The following GRIP1 variants were observed in gnomAD, a reference collection of about 807,000 sequenced individuals.
The protein encoded by GRIP1 is glutamate receptor interacting protein 1, also known as glutamate receptor-interacting protein 1.
GRIP1 carries 45 observed loss-of-function variants against 129.9 expected under a neutral mutation model. That is an observed-to-expected ratio of 0.35 (90% CI 0.27 to 0.44). The LOEUF (loss-of-function observed/expected upper bound fraction) is 0.44, where lower values mean the gene tolerates loss of function less well. GRIP1 is among the 20% of genes least tolerant of loss of function. The pLI is 1.00. For missense variants in GRIP1, 1,196 were observed against 1,396.8 expected (o/e 0.86, Z 2.29); for synonymous variants, 530 against 520.8 (o/e 1.02, Z -0.24).
chr12:66,574,153 C>T (rs1401388905), intron 2 of GRIP1, among the ~76,000 whole-genome samples: 2 of 152,196 alleles, frequency 1.3e-5, no homozygotes, highest in Non-Finnish European at 2.9e-5. Context: ...AGAGATGCCT[C>T]GTCTTCTTCC....
At chr12:66,513,882 A>T (rs1168192133) in intron 7 of GRIP1, among the ~76,000 whole-genome samples, 1 of 152,130 alleles carries the variant, frequency 6.6e-6, no homozygotes, top group Non-Finnish European at 1.5e-5. Flanking sequence ...TCTTCCCTAA[A>T]ATGGTATCTA....
chr12:66,844,131 G>A (rs1045001875), intron 1 of GRIP1, among the ~76,000 whole-genome samples: 5 of 151,888 alleles, frequency 3.3e-5, no homozygotes, highest in South Asian at 2.1e-4. Flanking sequence ...TTTTAAATGG[G>A]TGAAAGACTT....
chr12:66,417,068 A>G (rs1025087455), intron 15 of GRIP1, among the ~76,000 whole-genome samples: 1 of 152,122 alleles, frequency 6.6e-6, no homozygotes, highest in African/African-American at 2.4e-5. Context: ...GAAGTCAAAA[A>G]TATATTAAAA....
rs1565833801 is a variant in GRIP1, at chr12:66,531,255, ATATATATATATATATATATATAT to A, written c.419-1364_419-1342del. Among the ~76,000 whole-genome samples, 91 of 4,818 alleles carry A rather than the reference ATATATATATATATATATATATAT, an allele frequency of 0.019. 5 individuals carry two copies. The East Asian group carries it at 0.26, about 14-fold the overall frequency. The allele number at this position is 4,818 out of a possible 152,430, so 3.2% of individuals were successfully genotyped here. On this transcript the variant is annotated intron_variant, in intron 4 of 24. Coordinates refer to ENST00000359742, the MANE Select transcript of GRIP1 (RefSeq NM_001366722.1). ...TGTCTCAAAAAAAAAAAAAAAAAAT[ATATATATATATATATATATATAT>A]ATATATATATATATATATATATATA...
intron 1 of GRIP1, among the ~76,000 whole-genome samples, chr12:66,919,934 T>C (rs745720425): frequency 3.9e-5 from 6 of 152,160 alleles, no homozygotes; most frequent in African/African-American, 7.2e-5. Context: ...ACATTGAATA[T>C]ATTATATAAT....
At chr12:66,653,072 C>CATGGTT (rs1321531013) in intron 1 of GRIP1, among the ~76,000 whole-genome samples, 1 of 152,188 alleles carries the variant, frequency 6.6e-6, no homozygotes, top group Non-Finnish European at 1.5e-5. Flanking sequence ...TCAGAAAAGT[C>CATGGTT]ATGGTTGTTC....
rs199519734 is a variant in GRIP1 at position 66,406,422 on chromosome 12, C to T, written c.1845G>A (p.Gly615=). The T allele has an allele frequency of 2.4e-5, 39 of 1,613,980 alleles. No individual in the cohort carries two copies. The highest frequency in any genetic ancestry group is 3.3e-5 in the Non-Finnish European group (39 of 1,179,894). Residue 615 remains glycine, a synonymous_variant, in exon 16 of 25, where the codon GGG becomes GGA. Coordinates refer to ENST00000359742, the MANE Select transcript of GRIP1 (RefSeq NM_001366722.1). The part of the protein sequence containing the change: ...IKKGSVAHRT[G]TLELGDKLLA... The stretch of plus-strand genomic sequence containing the variant: ...GCAATTTATCCCCAAGTTCCAGGGT[C>T]CCAGTTCTGTTAGTGAATGCAAAGT...
chr12:67,021,822 A>G (rs1468536959), intron 1 of GRIP1, among the ~76,000 whole-genome samples: 1 of 152,068 alleles, frequency 6.6e-6, no homozygotes, highest in Non-Finnish European at 1.5e-5. Flanking sequence ...TTTCCTTCCC[A>G]ACCTCTAGTA....
intron 16 of GRIP1, among the ~76,000 whole-genome samples, chr12:66,400,517 C>A (rs913843966): frequency 1.3e-5 from 2 of 151,894 alleles, no homozygotes; most frequent in African/African-American, 4.8e-5. Flanking sequence ...TATTTGAAGC[C>A]CAAAATATGA....
chr12:66,923,245 C>T (rs2041242309), intron 1 of GRIP1, among the ~76,000 whole-genome samples: 1 of 152,084 alleles, frequency 6.6e-6, no homozygotes, highest in Non-Finnish European at 1.5e-5. Context: ...TTTGAGGAAG[C>T]CAAAGCGGGA....
intron 15 of GRIP1, among the ~76,000 whole-genome samples, chr12:66,413,051 G>A (rs147396360): frequency 5.3e-5 from 8 of 152,130 alleles, no homozygotes; most frequent in African/African-American, 1.2e-4. Context: ...ACAGATCATC[G>A]AGACAGAAAA....
At chr12:66,714,891 CCAT>C (rs1388403636) in intron 1 of GRIP1, among the ~76,000 whole-genome samples, 11 of 29,010 alleles carry the variant, frequency 3.8e-4, no homozygotes, top group African/African-American at 1.3e-3. Context: ...ATCCACCCAT[CCAT>C]CCATCCATCC....
intron 1 of GRIP1, among the ~76,000 whole-genome samples, chr12:67,049,847 TA>T (rs1369675504): frequency 1.3e-5 from 2 of 152,030 alleles, no homozygotes; most frequent in Non-Finnish European, 2.9e-5. Context: ...ACATAATTTA[TA>T]AAACAATTAA....
chr12:66,850,803 T>C (rs2039897377), intron 1 of GRIP1, among the ~76,000 whole-genome samples: 1 of 151,852 alleles, frequency 6.6e-6, no homozygotes, highest in Non-Finnish European at 1.5e-5. Context: ...ACACGGCTAA[T>C]ATATCTATCA....
At chr12:67,029,592 A>C (rs1446632686) in intron 1 of GRIP1, among the ~76,000 whole-genome samples, 1 of 151,608 alleles carries the variant, frequency 6.6e-6, no homozygotes, top group Non-Finnish European at 1.5e-5. Context: ...AAAAAAAAAA[A>C]AAAAAAGCCA....
intron 1 of GRIP1, among the ~76,000 whole-genome samples, chr12:67,033,547 T>C (rs2043053189): frequency 6.6e-6 from 1 of 152,126 alleles, no homozygotes; most frequent in South Asian, 2.1e-4. Flanking sequence ...AAGAAATGTA[T>C]TCCAATCTTC....
chr12:66,544,843 T>C (rs2061898634), intron 2 of GRIP1, among the ~76,000 whole-genome samples: 1 of 152,156 alleles, frequency 6.6e-6, no homozygotes, highest in African/African-American at 2.4e-5. Flanking sequence ...ATACCCTTTT[T>C]GGTGTTTAAT....
chr12:66,355,557 G>A (rs543804305), intron 23 of GRIP1, among the ~76,000 whole-genome samples: 38 of 144,656 alleles, frequency 2.6e-4, no homozygotes, highest in Non-Finnish European at 5.5e-4. Context: ...CCCCCACACC[G>A]GCCCCACCAC....
At chr12:66,349,870 G>T (rs73331014) in intron 24 of GRIP1, among the ~76,000 whole-genome samples, 3,345 of 151,990 alleles carry the variant, frequency 0.022, 131 homozygotes, top group African/African-American at 0.075. Flanking sequence ...GCTTATACAT[G>T]CACCCATCTT....
Sources: allele counts gnomAD v4.1 joint callset (sites outside exome capture counted in the v4.1 genomes callset), GRCh38; gene constraint gnomAD v4.1.1; transcripts MANE v1.5; gene names NCBI Gene and HGNC (gene_info 2026-07-23, HGNC 2026-07-21).